CASZ1: variants seen among roughly 807,000 people sequenced by gnomAD.
CASZ1 encodes castor zinc finger 1.
In CASZ1, 28 loss-of-function variants were observed where a neutral mutation model predicts 135.2. The observed-to-expected ratio is 0.21, with a 90% CI of 0.15 to 0.28. The LOEUF (loss-of-function observed/expected upper bound fraction) is 0.28, where lower values mean the gene tolerates loss of function less well. CASZ1 is among the 10% of genes least tolerant of loss of function. The pLI, the probability that CASZ1 is intolerant of heterozygous loss-of-function variation, is 1.00. For missense variants in CASZ1, 2,161 were observed against 2,453.3 expected (o/e 0.88, Z 2.52); for synonymous variants, 1,068 against 1,073.4 (o/e 0.99, Z 0.10).
chr1:10,673,895 C>A lies in CASZ1; in HGVS notation c.17-8324G>T, dbSNP rs141213664. Among the ~76,000 whole-genome samples, 492 of 152,310 alleles carry A rather than the reference C, an allele frequency of 3.2e-3. 2 individuals are homozygous for A. Among genetic ancestry groups the A allele is most frequent in the African/African-American group, 0.011 (475 of 41,574 alleles). ...GAGGCCAGGCGCCCTGGGTCTTGCC[C>A]TCCTTGCCCTCTCTGGATGGCCTGT... On this transcript the variant is annotated intron_variant, in intron 4 of 20. Coordinates refer to ENST00000377022, the MANE Select transcript of CASZ1 (RefSeq NM_001079843.3).
intron 1 of CASZ1, among the ~76,000 whole-genome samples, chr1:10,769,013 G>A (rs758694800): frequency 2.0e-5 from 3 of 152,166 alleles, no homozygotes; most frequent in African/African-American, 4.8e-5. Flanking sequence ...TGGTGGCGGC[G>A]TCTGTAATCC....
intron 7 of CASZ1, 86 bp downstream of exon 7, chr1:10,658,422 A>G: frequency 9.1e-7 from 1 of 1,102,430 alleles, no homozygotes; most frequent in Non-Finnish European, 1.4e-6. Context: ...CCTAGAGGTC[A>G]GATATCAAAC....
At chr1:10,791,405 G>A (rs930855532) in intron 1 of CASZ1, among the ~76,000 whole-genome samples, 2 of 152,206 alleles carry the variant, frequency 1.3e-5, no homozygotes, top group African/African-American at 4.8e-5. Flanking sequence ...ATTCTTTCCT[G>A]TAAACAATTT....
At chr1:10,764,889 C>A (rs963019808) in intron 1 of CASZ1, among the ~76,000 whole-genome samples, 2 of 152,224 alleles carry the variant, frequency 1.3e-5, no homozygotes, top group Non-Finnish European at 2.9e-5. Context: ...AACACATCTT[C>A]CAAATGGGGT....
chr1:10,640,174 G>A, intron 20 of CASZ1, 115 bp from the exon 21 acceptor site: 1 of 1,458,808 alleles, frequency 6.9e-7, no homozygotes, highest in Non-Finnish European at 9.1e-7. Flanking sequence ...GGCATTTAGG[G>A]AGCCCTCGGC....
chr1:10,639,256 C>T lies in CASZ1; in HGVS notation c.4966G>A (p.Ala1656Thr). 1.0e-6 allele frequency: 1 copy of T among 958,568 alleles called. No homozygotes were observed. Among genetic ancestry groups the T allele is most frequent in the Non-Finnish European group, 1.2e-6 (1 of 804,894 alleles). 59.4% of individuals were successfully genotyped at this position (958,568 alleles called of 1,614,324 possible). Reference sequence around the variant, plus strand: ...GCGGCGCCCTCGCGCGGCCCGGGGGCGGCGGCGTCGGGCGGGCCGGGGTCG... The same window carrying T: ...GCGGCGCCCTCGCGCGGCCCGGGGGTGGCGGCGTCGGGCGGGCCGGGGTCG... ...AGDPGPPDAA[A>T]PGPREGAAAA... The change falls in exon 21 of 21, where the codon GCC (alanine) becomes ACC (threonine). Residue 1656 changes from alanine to threonine, a missense_variant. Coordinates refer to ENST00000377022, the MANE Select transcript of CASZ1 (RefSeq NM_001079843.3). This position sits in a 1 kb window ranked among gnomAD's most constrained non-coding sequence, Gnocchi z 4.0.
rs1640506362 is a variant in CASZ1, at chr1:10,767,923, G to A, written c.-233-7066C>T. Reference sequence around the variant, plus strand: ...GCCCACTCCAACCCTAGTCACAGGAGGGTCACCCACCATTGCAAGGTCTTC... The same window carrying A: ...GCCCACTCCAACCCTAGTCACAGGAAGGTCACCCACCATTGCAAGGTCTTC... On this transcript the variant is annotated intron_variant, in intron 1 of 20. Coordinates refer to ENST00000377022, the MANE Select transcript of CASZ1 (RefSeq NM_001079843.3). The surrounding 1 kb of genome is among the most constrained non-coding windows in gnomAD (Gnocchi z 4.2). Among the ~76,000 whole-genome samples the A allele has an allele frequency of 6.6e-6, 1 of 152,192 alleles. No homozygotes were observed. Among genetic ancestry groups the A allele is most frequent in the Non-Finnish European group, 1.5e-5 (1 of 68,028 alleles).
intron 2 of CASZ1, among the ~76,000 whole-genome samples, chr1:10,708,338 AAG>A (rs1287696394): frequency 2.6e-5 from 4 of 152,090 alleles, no homozygotes; most frequent in Non-Finnish European, 5.9e-5. Flanking sequence ...GTGATACCAA[AAG>A]CAAACCCTGC....
chr1:10,733,395 G>A (rs1557539097), intron 2 of CASZ1, among the ~76,000 whole-genome samples: 3 of 152,172 alleles, frequency 2.0e-5, no homozygotes, highest in South Asian at 2.1e-4. Flanking sequence ...CGCCACTGCC[G>A]AGAGGAAGCT....
chr1:10,745,654 G>T (rs970161462), intron 2 of CASZ1, among the ~76,000 whole-genome samples: 4 of 152,186 alleles, frequency 2.6e-5, no homozygotes, highest in Non-Finnish European at 5.9e-5. Context: ...AAATGATGTC[G>T]CCAGTCCTGG....
In CASZ1 at chr1:10,644,971, G is replaced by A. The variant is rs200974627; in HGVS notation, c.3814C>T (p.Arg1272Trp). 16 of 1,613,842 alleles carry A rather than the reference G, an allele frequency of 9.9e-6. No individual in the cohort carries two copies. Among genetic ancestry groups the A allele is most frequent in the South Asian group, 8.8e-5 (8 of 91,088 alleles). The change falls in exon 18 of 21, where the codon CGG becomes TGG. Residue 1272 changes from arginine (R) to tryptophan (W), a missense_variant. By Grantham distance (101) the Arg-to-Trp change is moderately radical. Around this residue, in one of 7 missense-constraint regions of CASZ1, gnomAD observed 349 missense variants for 460.8 expected, o/e 0.76. Coordinates refer to ENST00000377022, the MANE Select transcript of CASZ1 (RefSeq NM_001079843.3). ...AAGTATTTGAAGCCATTGGCTGCCC[G>A]CCGCTCCGCCTTCTCATGCTTCTTG... ...HIKKHEKAER[R>W]AANGFKYFTK...
chr1:10,698,855 C>T (rs1276809024), intron 3 of CASZ1, among the ~76,000 whole-genome samples: 1 of 152,256 alleles, frequency 6.6e-6, no homozygotes, highest in African/African-American at 2.4e-5. Context: ...CCAGTGTCAC[C>T]TTCTTGGCCC....
At position 10,655,634 on chromosome 1, in the gene CASZ1, G is replaced by A. The variant is rs751263282; in HGVS notation, c.1665+15C>T. 5.0e-6 allele frequency: 8 copies of A among 1,604,868 alleles called. No individual in the cohort carries two copies. The highest frequency in any genetic ancestry group is 1.1e-5 in the South Asian group (1 of 90,258). On this transcript the variant is annotated intron_variant, in intron 9 of 20. Transcript: ENST00000377022. ...AGTCCTGCAGCTGCCCAGTGGGCCC[G>A]GGTGCGGGAGGCACCTGCATGCAGT...
At chr1:10,686,558 G>T (rs1004551647) in intron 4 of CASZ1, among the ~76,000 whole-genome samples, 1 of 152,158 alleles carries the variant, frequency 6.6e-6, no homozygotes, top group Non-Finnish European at 1.5e-5. Context: ...AGGCGGGTAG[G>T]GTGTCACCTG....
rs967116018 is a variant in CASZ1 at position 10,706,438 on chromosome 1, G to A, written c.-76-894C>T. On this transcript the variant is annotated intron_variant, in intron 2 of 20. Coordinates refer to ENST00000377022, the MANE Select transcript of CASZ1 (RefSeq NM_001079843.3). This position sits in a 1 kb window ranked among gnomAD's most constrained non-coding sequence, Gnocchi z 4.3. ...AGGCTTGGGGAGGGCTGTCTGTTAC[G>A]TTTTCTTCTCCCCCTCCCTCATTTG... 1.3e-5 allele frequency among the ~76,000 whole-genome samples: 2 copies of A among 152,162 alleles called. No individual in the cohort carries two copies. The highest frequency in any genetic ancestry group is 2.9e-5 in the Non-Finnish European group (2 of 68,028).
chr1:10,678,507 G>A (rs753494271), intron 4 of CASZ1, among the ~76,000 whole-genome samples: 4 of 151,740 alleles, frequency 2.6e-5, no homozygotes, highest in East Asian at 1.9e-4. Context: ...GAGGGGGCCC[G>A]AGGCCGGGGC....
In CASZ1 at chr1:10,701,182, G is replaced by A. The variant is rs1639052823; in HGVS notation, c.-24+4310C>T. Among the ~76,000 whole-genome samples the A allele has an allele frequency of 6.6e-6, 1 of 152,202 alleles. No individual in the cohort carries two copies. Among genetic ancestry groups the A allele is most frequent in the Non-Finnish European group, 1.5e-5 (1 of 68,034 alleles). On this transcript the variant is annotated intron_variant, in intron 3 of 20. Transcript: ENST00000377022. The surrounding 1 kb of genome is among the most constrained non-coding windows in gnomAD (Gnocchi z 6.3). Reference sequence around the variant, plus strand: ...CCCAGGTGTCTGGTGGGGCTCCTGGGCAGCTGCTCCCTGGCAGGGAAGCGG... The same window carrying A: ...CCCAGGTGTCTGGTGGGGCTCCTGGACAGCTGCTCCCTGGCAGGGAAGCGG...
At chr1:10,764,126 G>A (rs1458006738) in intron 1 of CASZ1, among the ~76,000 whole-genome samples, 1 of 152,202 alleles carries the variant, frequency 6.6e-6, no homozygotes, top group East Asian at 1.9e-4. Context: ...GCCTTCCAAA[G>A]TGCTGGGATT....
rs1639237447 is a variant in CASZ1 at position 10,709,307 on chromosome 1, C to T, written c.-76-3763G>A. Among the ~76,000 whole-genome samples, 1 of 152,218 alleles carries T rather than the reference C, an allele frequency of 6.6e-6. No homozygotes were observed. On this transcript the variant is annotated intron_variant, in intron 2 of 20. Transcript: ENST00000377022. This position sits in a 1 kb window ranked among gnomAD's most constrained non-coding sequence, Gnocchi z 5.1. ...CCACTGCGTCTCCTTCCCCCTGCCC[C>T]CAGCCCCATCCTCACGCACAGCCTC...
Sources: allele counts gnomAD v4.1 joint callset (sites outside exome capture counted in the v4.1 genomes callset), GRCh38; gene constraint gnomAD v4.1.1; regional missense constraint gnomAD v4.1.1; non-coding constraint Gnocchi (gnomAD v3.1); transcripts MANE v1.5; gene names NCBI Gene and HGNC (gene_info 2026-07-23, HGNC 2026-07-21).